CFAP221: variants seen among roughly 807,000 people sequenced by gnomAD.
The protein encoded by CFAP221 is cilia and flagella associated protein 221.
CFAP221 carries 97 observed loss-of-function variants against 113.1 expected under a neutral mutation model. The ratio of observed to expected loss-of-function variants is 0.86; its 90% CI spans 0.73 to 1.02. The LOEUF is 1.02. CFAP221 is among the 50% of genes least tolerant of loss of function. The pLI is 0.00. For synonymous variants in CFAP221, 331 were observed against 354.4 expected (o/e 0.93, Z 0.74); for missense variants, 1,025 against 1,013.4 (o/e 1.01, Z -0.16).
intron 11 of CFAP221, among the ~76,000 whole-genome samples, chr2:119,606,764 C>T (rs1033570526): frequency 7.9e-5 from 12 of 152,276 alleles, no homozygotes; most frequent in African/African-American, 2.9e-4. Context: ...TCCCAAATCC[C>T]ATTCTGAATG....
At chr2:119,577,909 A>AT (rs1378890183) in intron 6 of CFAP221, among the ~76,000 whole-genome samples, 1 of 152,202 alleles carries the variant, frequency 6.6e-6, no homozygotes, top group African/African-American at 2.4e-5. Context: ...AACAACAGTA[A>AT]TTTATTTTGC....
At chr2:119,619,904 A>G (rs536042184) in intron 14 of CFAP221, among the ~76,000 whole-genome samples, 4 of 152,342 alleles carry the variant, frequency 2.6e-5, no homozygotes, top group Non-Finnish European at 4.4e-5. Context: ...AAATAACCTG[A>G]TAGAGCTGAA....
At chr2:119,594,854 G>A (rs983507976) in intron 7 of CFAP221, among the ~76,000 whole-genome samples, 2 of 152,332 alleles carry the variant, frequency 1.3e-5, no homozygotes, top group African/African-American at 4.8e-5. Flanking sequence ...AGGAAGCTGA[G>A]GCATGGAGTG....
At chr2:119,635,494 G>T (rs1414838190) in intron 19 of CFAP221, among the ~76,000 whole-genome samples, 1 of 152,124 alleles carries the variant, frequency 6.6e-6, no homozygotes, top group Non-Finnish European at 1.5e-5. Context: ...AAGATTGGTG[G>T]CTGCCTGTGG....
At chr2:119,603,573 G>A (rs2104670062) in intron 8 of CFAP221, among the ~76,000 whole-genome samples, 1 of 152,334 alleles carries the variant, frequency 6.6e-6, no homozygotes, top group East Asian at 1.9e-4. Flanking sequence ...TTAACTGTCA[G>A]AGTGAGTGAA....
chr2:119,562,252 G>GAA, intron 6 of CFAP221, 138 bp downstream of exon 6: 146 of 171,326 alleles, frequency 8.5e-4, no homozygotes, highest in South Asian at 4.4e-3. Context: ...ATTGTAAAAG[G>GAA]CAAAAAAAAA....
chr2:119,568,704 T>C (rs1169986480), intron 6 of CFAP221, among the ~76,000 whole-genome samples: 1 of 152,184 alleles, frequency 6.6e-6, no homozygotes, highest in African/African-American at 2.4e-5. Flanking sequence ...TATTCCATGG[T>C]GTATACGTAC....
At chr2:119,556,710 G>T (rs1373174603) in intron 3 of CFAP221, among the ~76,000 whole-genome samples, 2 of 151,570 alleles carry the variant, frequency 1.3e-5, no homozygotes, top group African/African-American at 2.4e-5. Flanking sequence ...CCACCACCAC[G>T]CCCAGCTATT....
chr2:119,612,417 T>A (rs1685240124), intron 13 of CFAP221, among the ~76,000 whole-genome samples: 1 of 152,176 alleles, frequency 6.6e-6, no homozygotes. Context: ...GTGGCAGGAA[T>A]GAGAAGAATG....
chr2:119,609,399 C>T (rs1157392485), intron 12 of CFAP221, among the ~76,000 whole-genome samples: 3 of 152,184 alleles, frequency 2.0e-5, no homozygotes, highest in Non-Finnish European at 2.9e-5. Context: ...TTTATTTTCT[C>T]ATAGTTCTGG....
chr2:119,594,655 C>G (rs1683837548), intron 7 of CFAP221, among the ~76,000 whole-genome samples: 1 of 152,182 alleles, frequency 6.6e-6, no homozygotes, highest in Non-Finnish European at 1.5e-5. Flanking sequence ...CTATTCAGCA[C>G]TCTACTCAAT....
intron 21 of CFAP221, among the ~76,000 whole-genome samples, chr2:119,646,487 AACTC>A (rs1040723213): frequency 6.6e-6 from 1 of 152,204 alleles, no homozygotes; most frequent in African/African-American, 2.4e-5. Context: ...ATCTCAAGAT[AACTC>A]ACTCACTCAC....
At chr2:119,553,270 C>T (rs1366865121) in intron 3 of CFAP221, among the ~76,000 whole-genome samples, 2 of 152,018 alleles carry the variant, frequency 1.3e-5, no homozygotes, top group African/African-American at 2.4e-5. Context: ...ATTTGGGGCC[C>T]AGAGAAAGAC....
chr2:119,554,713 C>T (rs559461080), intron 3 of CFAP221, among the ~76,000 whole-genome samples: 17 of 152,186 alleles, frequency 1.1e-4, no homozygotes, highest in Non-Finnish European at 1.9e-4. Context: ...AAACATAGTA[C>T]GTCTTTCTAG....
At chr2:119,572,545 C>G (rs1333489862) in intron 6 of CFAP221, 1 of 701,190 alleles carries the variant, frequency 1.4e-6, no homozygotes, top group Admixed American at 2.0e-5. Context: ...GTAGTTTACC[C>G]AACAGCGTCT....
intron 7 of CFAP221, among the ~76,000 whole-genome samples, chr2:119,594,387 C>G (rs944009907): frequency 1.3e-5 from 2 of 151,924 alleles, no homozygotes; most frequent in African/African-American, 2.4e-5. Flanking sequence ...AGGTGTGCAC[C>G]AACACGCCCG....
intron 6 of CFAP221, among the ~76,000 whole-genome samples, chr2:119,572,299 C>CT: frequency 6.6e-6 from 1 of 152,148 alleles, no homozygotes; most frequent in Non-Finnish European, 1.5e-5. Flanking sequence ...GTGCAGAGGA[C>CT]TTTCAGTTCT....
chr2:119,564,679 C>T (rs1355732595), intron 6 of CFAP221, among the ~76,000 whole-genome samples: 1 of 152,254 alleles, frequency 6.6e-6, no homozygotes, highest in Non-Finnish European at 1.5e-5. Flanking sequence ...TATGTTTTTG[C>T]GGTTCAGCCA....
intron 19 of CFAP221, among the ~76,000 whole-genome samples, chr2:119,635,065 A>G (rs983604216): frequency 6.6e-6 from 1 of 152,248 alleles, no homozygotes; most frequent in African/African-American, 2.4e-5. Flanking sequence ...AGATTTGAAC[A>G]CATACTTCAC....
Sources: allele counts gnomAD v4.1 joint callset (sites outside exome capture counted in the v4.1 genomes callset), GRCh38; gene constraint gnomAD v4.1.1; transcripts MANE v1.5; gene names NCBI Gene and HGNC (gene_info 2026-07-23, HGNC 2026-07-21).